The following FRY variants were observed in gnomAD, a reference collection of about 807,000 sequenced individuals.
The protein encoded by FRY is FRY microtubule binding protein, also known as protein furry homolog.
FRY carries 128 observed loss-of-function variants against 348.4 expected under a neutral mutation model. The observed-to-expected ratio is 0.37, with a 90% CI of 0.32 to 0.43. The LOEUF (loss-of-function observed/expected upper bound fraction) is 0.43, where lower values mean the gene tolerates loss of function less well. Ranked by LOEUF, FRY falls within the 20% of genes least tolerant of loss-of-function variation. FRY has a pLI of 1.00. For synonymous variants in FRY, 1,370 were observed against 1,374.7 expected, an observed-to-expected ratio of 1.00 and a Z score of 0.08; for missense variants, 2,736 against 3,695.2, an observed-to-expected ratio of 0.74 and a Z score of 6.73.
At chr13:32,274,775 C>G in intron 55 of FRY, 67 bp from the exon 56 acceptor site, 1 of 1,097,638 alleles carries the variant, frequency 9.1e-7, no homozygotes, top group Non-Finnish European at 1.4e-6. Context: ...ACCCCTCCCC[C>G]AAAATATGTT....
intron 36 of FRY, among the ~76,000 whole-genome samples, chr13:32,223,836 C>G (rs1885441688): frequency 6.6e-6 from 1 of 152,164 alleles, no homozygotes; most frequent in Non-Finnish European, 1.5e-5. Flanking sequence ...TCAAGCGATT[C>G]TCCTGCCTCA....
intron 35 of FRY, among the ~76,000 whole-genome samples, chr13:32,213,934 A>G (rs1030763223): frequency 1.3e-5 from 2 of 152,342 alleles, no homozygotes; most frequent in Admixed American, 1.3e-4. Context: ...CTGTCACCAT[A>G]TCTCTGCTGG....
intron 18 of FRY, among the ~76,000 whole-genome samples, chr13:32,171,669 T>C (rs892408753): frequency 3.3e-5 from 5 of 152,200 alleles, no homozygotes; most frequent in East Asian, 1.9e-4. Flanking sequence ...ACCTTTAGAA[T>C]TCTTACTTCC....
At chr13:32,275,077 T>C (rs1888454665) in intron 56 of FRY, 86 bp downstream of exon 56, 17 of 1,289,976 alleles carry the variant, frequency 1.3e-5, no homozygotes, top group Non-Finnish European at 1.9e-5. Context: ...GCGCTGTGGT[T>C]TGTTTTAAAG....
chr13:32,224,102 A>AC (rs1885457918), intron 36 of FRY, 133 bp from the exon 37 acceptor site: 1 of 907,902 alleles, frequency 1.1e-6, no homozygotes, highest in Admixed American at 2.0e-5. Context: ...TGTCCCTAAA[A>AC]AAAATTTAAA....
At chr13:32,171,654 C>A (rs1882079692) in intron 18 of FRY, among the ~76,000 whole-genome samples, 1 of 152,104 alleles carries the variant, frequency 6.6e-6, no homozygotes, top group South Asian at 2.1e-4. Context: ...GAGTGGCAGT[C>A]TAGAACCTTT....
chr13:32,036,601 C>A (rs1426635343), intron 1 of FRY, among the ~76,000 whole-genome samples: 1 of 152,108 alleles, frequency 6.6e-6, no homozygotes, highest in Non-Finnish European at 1.5e-5. Flanking sequence ...AACTGTGACA[C>A]TTTGGAGAGT....
intron 23 of FRY, among the ~76,000 whole-genome samples, chr13:32,181,690 C>T (rs1340524455): frequency 6.6e-6 from 1 of 151,782 alleles, no homozygotes; most frequent in Non-Finnish European, 1.5e-5. Flanking sequence ...ATATAGACCT[C>T]TAAATACTTC....
intron 2 of FRY, among the ~76,000 whole-genome samples, chr13:32,098,373 C>T (rs1407940712): frequency 6.6e-6 from 1 of 152,006 alleles, no homozygotes; most frequent in Non-Finnish European, 1.5e-5. Context: ...TGTCCTGTGA[C>T]TTTAAGTGTT....
chr13:32,042,300 C>A (rs569776012), intron 1 of FRY, among the ~76,000 whole-genome samples: 3 of 152,274 alleles, frequency 2.0e-5, no homozygotes, highest in African/African-American at 7.2e-5. Flanking sequence ...ATTTCTAAAT[C>A]CCTTGTTACT....
intron 20 of FRY, among the ~76,000 whole-genome samples, chr13:32,177,952 G>C (rs1244164886): frequency 1.3e-5 from 2 of 152,144 alleles, no homozygotes; most frequent in African/African-American, 2.4e-5. Context: ...TGTGACCCAG[G>C]TTCTTAAATT....
chr13:32,159,394 T>C (rs904186834), intron 16 of FRY, among the ~76,000 whole-genome samples: 5 of 152,206 alleles, frequency 3.3e-5, no homozygotes, highest in Admixed American at 1.3e-4. Context: ...GGGTAAGAAC[T>C]TGAACATTGA....
At chr13:32,199,157 A>G (rs1254348386) in intron 29 of FRY, among the ~76,000 whole-genome samples, 1 of 152,210 alleles carries the variant, frequency 6.6e-6, no homozygotes, top group Non-Finnish European at 1.5e-5. Context: ...AACCTCAGTC[A>G]TTCCCACTGG....
At chr13:32,073,744 C>T (rs1252381301) in intron 1 of FRY, among the ~76,000 whole-genome samples, 2 of 152,174 alleles carry the variant, frequency 1.3e-5, no homozygotes, top group African/African-American at 2.4e-5. Context: ...TGAACAATAG[C>T]TTCTAATGAA....
At chr13:32,270,725 G>T (rs552363594) in intron 55 of FRY, among the ~76,000 whole-genome samples, 3 of 152,136 alleles carry the variant, frequency 2.0e-5, no homozygotes, top group Admixed American at 6.5e-5. Flanking sequence ...AAAGCCTTCT[G>T]TTACTTCTTT....
At chr13:32,194,626 G>A (rs923343009) in intron 29 of FRY, among the ~76,000 whole-genome samples, 8 of 152,136 alleles carry the variant, frequency 5.3e-5, no homozygotes. Context: ...TGTTTATAAC[G>A]AGGGTGAACT....
intron 35 of FRY, among the ~76,000 whole-genome samples, chr13:32,215,294 A>G (rs960367782): frequency 6.6e-6 from 1 of 152,252 alleles, no homozygotes; most frequent in Non-Finnish European, 1.5e-5. Context: ...TTCCTAGCAT[A>G]AAGAAAAAAT....
chr13:32,275,309 C>T (rs1466470365), intron 56 of FRY, among the ~76,000 whole-genome samples: 4 of 151,630 alleles, frequency 2.6e-5, no homozygotes, highest in Non-Finnish European at 5.9e-5. Context: ...AATGGCATGA[C>T]CCCGGGGGGC....
intron 29 of FRY, among the ~76,000 whole-genome samples, chr13:32,197,461 G>A (rs1883742440): frequency 6.6e-6 from 1 of 152,154 alleles, no homozygotes; most frequent in Non-Finnish European, 1.5e-5. Context: ...AGTATTTCAG[G>A]AGAGCAGAGT....
Sources: allele counts gnomAD v4.1 joint callset (sites outside exome capture counted in the v4.1 genomes callset), GRCh38; gene constraint gnomAD v4.1.1; transcripts MANE v1.5; gene names NCBI Gene and HGNC (gene_info 2026-07-23, HGNC 2026-07-21).